The following ZNF772 variants were observed in gnomAD, a reference collection of about 807,000 sequenced individuals.
The protein encoded by ZNF772 is zinc finger protein 772.
Under a neutral mutation model 11.0 loss-of-function variants are expected in ZNF772, and 8 were observed. The observed-to-expected ratio is 0.73, with a 90% CI of 0.43 to 1.31. The LOEUF is 1.31. ZNF772 is among the 50% of genes most tolerant of loss of function. The probability of loss-of-function intolerance (pLI) is 0.01; values close to 1 mark genes in which losing one functional copy is unlikely to be tolerated. For missense variants in ZNF772, 496 were observed against 552.3 expected, an observed-to-expected ratio of 0.90 and a Z score of 1.02; for synonymous variants, 155 against 180.4, an observed-to-expected ratio of 0.86 and a Z score of 1.13.
chr19:57,476,584 C>T (rs891027202), intron 2 of ZNF772, 50 bp downstream of exon 2: 35 of 1,579,290 alleles, frequency 2.2e-5, no homozygotes, highest in Middle Eastern at 1.7e-4. Context: ...TGCTGGAGAG[C>T]GTATTGGGTG....
chr19:57,473,187 C>T lies in ZNF772; in HGVS notation c.*87G>A. On this transcript the variant is annotated 3_prime_UTR_variant, in exon 4 of 4. Coordinates refer to ENST00000356584, the MANE Select transcript of ZNF772 (RefSeq NM_001144068.2). ...TGAGTGTATAAAGTTCTACTTCTGG[C>T]TGTCGGCTACACATAAAGGCTATGC... is the stretch of plus-strand genomic sequence containing the variant. The T allele has an allele frequency of 1.5e-6, 2 of 1,341,874 alleles. No homozygotes were observed. Among genetic ancestry groups the T allele is most frequent in the Non-Finnish European group, 2.0e-6 (2 of 986,542 alleles). The allele number at this position is 1,341,874 out of a possible 1,614,324, so 83.1% of individuals were successfully genotyped here.
At position 57,472,921 on chromosome 19, in the gene ZNF772, T is replaced by G. The variant is rs2089232123; in HGVS notation, c.*353A>C. On this transcript the variant is annotated 3_prime_UTR_variant, in exon 4 of 4. Transcript: ENST00000356584. The stretch of plus-strand genomic sequence containing the variant: ...TAGTGGGGCAGAAAAAAAGTGAGAA[T>G]CCTTGATGGCCTCAGGCTACTGATG... 4.4e-6 allele frequency: 1 copy of G among 225,666 alleles called. No homozygotes were observed. The highest frequency in any genetic ancestry group is 2.3e-5 in the African/African-American group (1 of 43,922). The allele number at this position is 225,666 out of a possible 1,614,324, so 14.0% of individuals were successfully genotyped here.
At position 57,473,430 on chromosome 19, in the gene ZNF772, T is replaced by A; in HGVS notation, c.1191A>T (p.Glu397Asp). The change falls in exon 4 of 4, where the codon GAA becomes GAT. Residue 397 changes from glutamate to aspartate, a missense_variant. Coordinates refer to ENST00000356584, the MANE Select transcript of ZNF772 (RefSeq NM_001144068.2). ...GTTTGTGGCTAAAGGCTTTTCCACA[T>A]TCACTGCACACATAAGGCTTTTCAC... ...HNGEKPYVCS[E>D]CGKAFSHKHV... is the part of the protein sequence containing the mutation. 6.2e-7 allele frequency: 1 copy of A among 1,614,170 alleles called. No homozygotes were observed. Among genetic ancestry groups the A allele is most frequent in the South Asian group, 1.1e-5 (1 of 91,076 alleles).
In ZNF772 at chr19:57,476,328, C is replaced by G. The variant is rs74451589; in HGVS notation, c.72+306G>C. The G allele has an allele frequency of 1.2e-3, 505 of 425,326 alleles. 2 individuals carry two copies. Among genetic ancestry groups the G allele is most frequent in the African/African-American group, 9.5e-3 (478 of 50,086 alleles). 26.3% of individuals were successfully genotyped at this position (425,326 alleles called of 1,614,324 possible). A position where few individuals can be genotyped will look rare whatever the true frequency, so the allele number is the denominator to read the frequency against. ...CCCGCCCCCTTGCTCTTGGTTCCCA[C>G]CAGACATGACAGAGACCTGCAATTT... On this transcript the variant is annotated intron_variant, in intron 2 of 3. Coordinates refer to ENST00000356584, the MANE Select transcript of ZNF772 (RefSeq NM_001144068.2).
Position 57,474,308 on chromosome 19 carries a change from A to C in ZNF772, c.313T>G (p.Cys105Gly), listed in dbSNP as rs753886921. ...GGPSTQKAYP[C>G]GTCGLVLKDI... ...TTTAAGACCAGGCCACATGTCCCAC[A>C]GGGGTAAGCCTTCTGAGTAGAAGGA... Residue 105 changes from cysteine (C) to glycine (G), a missense_variant, in exon 4 of 4, where the codon TGT becomes GGT. Cys to Gly is a radical substitution (Grantham distance 159, BLOSUM62 -3). Coordinates refer to ENST00000356584, the MANE Select transcript of ZNF772 (RefSeq NM_001144068.2). 6.2e-7 allele frequency: 1 copy of C among 1,614,176 alleles called. No individual in the cohort carries two copies. The highest frequency in any genetic ancestry group is 1.7e-5 in the Admixed American group (1 of 60,030).
rs2089208578 is a variant in ZNF772, at chr19:57,471,080, C to G, written c.*2194G>C. 6.6e-6 allele frequency: 1 copy of G among 152,148 alleles called. No homozygotes were observed. Among genetic ancestry groups the G allele is most frequent in the Non-Finnish European group, 1.5e-5 (1 of 68,012 alleles). The allele number at this position is 152,148 out of a possible 1,614,324, so 9.4% of individuals were successfully genotyped here. On this transcript the variant is annotated 3_prime_UTR_variant, in exon 4 of 4. Transcript: ENST00000356584. ...ACTTTCCTACAAAACAAACTCCAGG[C>G]CCAGACAGCTTCCTTGGTGAATTCT...
chr19:57,474,300 T>C lies in ZNF772; in HGVS notation c.321A>G (p.Thr107=), dbSNP rs1386792883. 6.2e-7 allele frequency: 1 copy of C among 1,614,172 alleles called. No homozygotes were observed. Among genetic ancestry groups the C allele is most frequent in the Admixed American group, 1.7e-5 (1 of 60,034 alleles). Residue 107 remains threonine, a synonymous_variant, in exon 4 of 4, where the codon ACA becomes ACG. Transcript: ENST00000356584. ...AAATGTCTTTTAAGACCAGGCCACA[T>C]GTCCCACAGGGGTAAGCCTTCTGAG... ...PSTQKAYPCG[T]CGLVLKDILH...
In ZNF772 at chr19:57,472,461, T is replaced by C. The variant is rs375873225; in HGVS notation, c.*813A>G. The C allele has an allele frequency of 1.2e-4, 31 of 255,522 alleles. No homozygotes were observed. The highest frequency in any genetic ancestry group is 1.1e-3 in the South Asian group (28 of 24,872). 15.8% of individuals were successfully genotyped at this position (255,522 alleles called of 1,614,324 possible). ...CAATTACACAAAAAATCTTAACATA[T>C]AGACCAAAAGATTAGGCCTACAAAG... On this transcript the variant is annotated 3_prime_UTR_variant, in exon 4 of 4. Transcript: ENST00000356584.
chr19:57,470,970 CAG>C lies in ZNF772; in HGVS notation c.*2302_*2303del, dbSNP rs1555786884. The C allele has an allele frequency of 6.6e-6, 1 of 151,846 alleles. No individual in the cohort carries two copies. The highest frequency in any genetic ancestry group is 1.5e-5 in the Non-Finnish European group (1 of 68,008). 9.4% of individuals were successfully genotyped at this position (151,846 alleles called of 1,614,324 possible). ...AAAACACACTTCAGGGCCAGAGTGA[CAG>C]ACAGACAACACACACACAGACAGAT... is the stretch of plus-strand genomic sequence containing the variant. On this transcript the variant is annotated 3_prime_UTR_variant, in exon 4 of 4. Coordinates refer to ENST00000356584, the MANE Select transcript of ZNF772 (RefSeq NM_001144068.2).
rs1657168453 is a variant in ZNF772, at chr19:57,473,404, T to G, written c.1217A>C (p.His406Pro). 6.2e-7 allele frequency: 1 copy of G among 1,612,806 alleles called. No individual in the cohort carries two copies. Among genetic ancestry groups the G allele is most frequent in the Admixed American group, 1.7e-5 (1 of 59,920 alleles). The change falls in exon 4 of 4, where the codon CAT (histidine) becomes CCT (proline). Residue 406 changes from histidine to proline, a missense_variant. His to Pro is a moderately conservative substitution (Grantham distance 77). Transcript: ENST00000356584. ...AATTCTATGATGCTGAACAAGTACA[T>G]GTTTGTGGCTAAAGGCTTTTCCACA... ...SECGKAFSHK[H>P]VLVQHHRIHT...
rs1369579531 is a variant in ZNF772 at position 57,477,354 on chromosome 19, G to A, written c.-45C>T. On this transcript the variant is annotated 5_prime_UTR_variant, in exon 1 of 4. Coordinates refer to ENST00000356584, the MANE Select transcript of ZNF772 (RefSeq NM_001144068.2). ...AGGGTGGCGACAAGTGCAGGAACCT[G>A]GGATCAGCTGTCCAGGGCCCAGCCC... 2 of 1,611,324 alleles carry A rather than the reference G, an allele frequency of 1.2e-6. No homozygotes were observed. Among genetic ancestry groups the A allele is most frequent in the Admixed American group, 1.7e-5 (1 of 59,730 alleles).
In ZNF772 at chr19:57,475,177, GGT is replaced by G; in HGVS notation, c.199+481_199+482del. On this transcript the variant is annotated intron_variant, in intron 3 of 3. Transcript: ENST00000356584. This position sits in a 1 kb window ranked among gnomAD's most constrained non-coding sequence, Gnocchi z 4.2. ...GGAAAGATAGAACAGCACTGGTCTG[GGT>G]AACCCATATAGAAAACTAAATATTA... The G allele has an allele frequency of 6.2e-7, 1 of 1,612,240 alleles. No homozygotes were observed. The highest frequency in any genetic ancestry group is 1.7e-4 in the Middle Eastern group (1 of 6,042).
chr19:57,474,141 T>A lies in ZNF772; in HGVS notation c.480A>T (p.Arg160Ser). 6 of 1,614,236 alleles carry A rather than the reference T, an allele frequency of 3.7e-6. No individual in the cohort carries two copies. The highest frequency in any genetic ancestry group is 5.1e-6 in the Non-Finnish European group (6 of 1,180,046). ...QKQHSGEKPF[R>S]SDKSRPFLLN... ...GAAGAAAGGGCCTGCTCTTATCACT[T>A]CTAAAGGGTTTCTCTCCACTGTGCT... The change falls in exon 4 of 4, where the codon AGA becomes AGT. Residue 160 changes from arginine (R) to serine (S), a missense_variant. Coordinates refer to ENST00000356584, the MANE Select transcript of ZNF772 (RefSeq NM_001144068.2).
Position 57,471,008 on chromosome 19 carries a change from C to T in ZNF772, c.*2266G>A, listed in dbSNP as rs1008891439. 1.3e-5 allele frequency: 2 copies of T among 152,194 alleles called. No homozygotes were observed. The highest frequency in any genetic ancestry group is 1.3e-4 in the Admixed American group (2 of 15,286). The allele number at this position is 152,194 out of a possible 1,614,324, so 9.4% of individuals were successfully genotyped here. A position where few individuals can be genotyped will look rare whatever the true frequency, so the allele number is the denominator to read the frequency against. On this transcript the variant is annotated 3_prime_UTR_variant, in exon 4 of 4. Transcript: ENST00000356584. ...CACACACAGACAGATGTACATATAA[C>T]TTGTACAGCCCTCTATCTACCACAG...
At position 57,475,759 on chromosome 19, in the gene ZNF772, C is replaced by A; in HGVS notation, c.100G>T (p.Val34Leu). 6.2e-7 allele frequency: 1 copy of A among 1,609,246 alleles called. No homozygotes were observed. Among genetic ancestry groups the A allele is most frequent in the Non-Finnish European group, 8.5e-7 (1 of 1,177,260 alleles). Residue 34 changes from valine to leucine, a missense_variant, in exon 3 of 4, where the codon GTG (valine) becomes TTG (leucine). Coordinates refer to ENST00000356584, the MANE Select transcript of ZNF772 (RefSeq NM_001144068.2). The surrounding 1 kb of genome is among the most constrained non-coding windows in gnomAD (Gnocchi z 4.2). ...QGQVNFEDVFVYFSQEEWVLL... is the reference protein window; with the variant it reads ...QGQVNFEDVFLYFSQEEWVLL... ...ACCCACTCCTCCTGGGAGAAGTACA[C>A]GAACACGTCCTCAAAGTTCACCTGC...
Position 57,473,164 on chromosome 19 carries a change from A to C in ZNF772, c.*110T>G, listed in dbSNP as rs371883861. 13 of 1,066,884 alleles carry C rather than the reference A, an allele frequency of 1.2e-5. No homozygotes were observed. Among genetic ancestry groups the C allele is most frequent in the Admixed American group, 2.8e-5 (1 of 36,292 alleles). The allele number at this position is 1,066,884 out of a possible 1,614,324, so 66.1% of individuals were successfully genotyped here. On this transcript the variant is annotated 3_prime_UTR_variant, in exon 4 of 4. Transcript: ENST00000356584. The stretch of plus-strand genomic sequence containing the variant: ...AGAACCTCCCCAGGGTGAGTGTTTG[A>C]GTGTATAAAGTTCTACTTCTGGCTG...
chr19:57,471,925 G>A lies in ZNF772; in HGVS notation c.*1349C>T, dbSNP rs148816681. 0.015 allele frequency: 4,111 copies of A among 279,442 alleles called. 41 individuals are homozygous for A. The highest frequency in any genetic ancestry group is 0.021 in the Non-Finnish European group (2,938 of 142,108). The allele number at this position is 279,442 out of a possible 1,614,324, so 17.3% of individuals were successfully genotyped here. On this transcript the variant is annotated 3_prime_UTR_variant, in exon 4 of 4. Coordinates refer to ENST00000356584, the MANE Select transcript of ZNF772 (RefSeq NM_001144068.2). ...AATAGTTGCCTGGGGATGGGTGAAG[G>A]AAAGGGAGAAAATATAAAAGGAATC...
Position 57,475,881 on chromosome 19 carries a change from C to T in ZNF772, c.73-95G>A. On this transcript the variant is annotated intron_variant, in intron 2 of 3. Transcript: ENST00000356584. This position sits in a 1 kb window ranked among gnomAD's most constrained non-coding sequence, Gnocchi z 4.2. ...CATCTCCCTCCTGTACACCCTCCTACCTAACTCCTCAACTCAGGAAATATC... is the reference window on the plus strand; with the variant it reads ...CATCTCCCTCCTGTACACCCTCCTATCTAACTCCTCAACTCAGGAAATATC... The T allele has an allele frequency of 1.3e-6, 2 of 1,488,014 alleles. No homozygotes were observed. Among genetic ancestry groups the T allele is most frequent in the South Asian group, 1.3e-5 (1 of 74,992 alleles). The allele number at this position is 1,488,014 out of a possible 1,614,324, so 92.2% of individuals were successfully genotyped here. A position where few individuals can be genotyped will look rare whatever the true frequency, so the allele number is the denominator to read the frequency against.
rs1167543161 is a variant in ZNF772, at chr19:57,472,717, T to G, written c.*557A>C. 1 of 155,514 alleles carries G rather than the reference T, an allele frequency of 6.4e-6. No individual in the cohort carries two copies. Among genetic ancestry groups the G allele is most frequent in the Non-Finnish European group, 1.4e-5 (1 of 70,084 alleles). 9.6% of individuals were successfully genotyped at this position (155,514 alleles called of 1,614,324 possible). ...ATAGTCTAAAAATTAAGGCATTTGT[T>G]GCAAAACCAGAATATGAGGCAGCCA... is the stretch of plus-strand genomic sequence containing the variant. On this transcript the variant is annotated 3_prime_UTR_variant, in exon 4 of 4. Transcript: ENST00000356584.
Sources: gnomAD v4.1 joint callset for allele counts on GRCh38, gnomAD v4.1.1 for gene constraint, Gnocchi (gnomAD v3.1) non-coding constraint, MANE v1.5 for transcripts, NCBI Gene and HGNC (gene_info 2026-07-23, HGNC 2026-07-21) for gene names.